DCC: variants seen among roughly 807,000 people sequenced by gnomAD.
DCC encodes netrin receptor DCC.
DCC carries 58 observed loss-of-function variants against 172.5 expected under a neutral mutation model. The ratio of observed to expected loss-of-function variants is 0.34; its 90% confidence interval spans 0.27 to 0.42. The LOEUF is 0.42. Ranked by LOEUF, DCC falls within the 10% of genes least tolerant of loss-of-function variation. The probability of loss-of-function intolerance (pLI) is 1.00; values close to 1 mark genes in which losing one functional copy is unlikely to be tolerated. For synonymous variants in DCC, 709 were observed against 644.5 expected, an observed-to-expected ratio of 1.10 and a Z score of -1.52; for missense variants, 1,740 against 1,791.0, an observed-to-expected ratio of 0.97 and a Z score of 0.51.
chr18:52,400,943 A>G (rs142229771), intron 1 of DCC, among the ~76,000 whole-genome samples: 14,246 of 150,038 alleles, frequency 0.095, 858 homozygotes, highest in Middle Eastern at 0.18. Context: ...AGGCCTGTTG[A>G]GGGGTGGGGG....
chr18:52,552,115 C>G (rs774633967), intron 1 of DCC, among the ~76,000 whole-genome samples: 2 of 151,948 alleles, frequency 1.3e-5, no homozygotes, highest in African/African-American at 4.8e-5. Flanking sequence ...AGAACACATA[C>G]AGATACAGAG....
chr18:52,454,057 C>A (rs2144522629), intron 1 of DCC, among the ~76,000 whole-genome samples: 1 of 152,152 alleles, frequency 6.6e-6, no homozygotes, highest in South Asian at 2.1e-4. Flanking sequence ...ACGTGATATA[C>A]CCATGTAACA....
chr18:52,859,140 A>T (rs912617729), intron 2 of DCC, among the ~76,000 whole-genome samples: 8 of 152,120 alleles, frequency 5.3e-5, no homozygotes, highest in Non-Finnish European at 1.0e-4. Flanking sequence ...CTGCAAAAAA[A>T]AAATTAAAAT....
At chr18:52,556,460 G>A (rs1230127977) in intron 1 of DCC, among the ~76,000 whole-genome samples, 2 of 152,008 alleles carry the variant, frequency 1.3e-5, no homozygotes, top group Admixed American at 1.3e-4. Flanking sequence ...AACAAACTTG[G>A]TAAATAGATG....
intron 1 of DCC, among the ~76,000 whole-genome samples, chr18:52,750,938 T>A (rs764533288): frequency 3.3e-5 from 5 of 152,314 alleles, no homozygotes; most frequent in African/African-American, 4.8e-5. Flanking sequence ...TAGGTGGTAT[T>A]TTTTAAGAAA....
chr18:53,244,591 G>A (rs2056343809), intron 12 of DCC, among the ~76,000 whole-genome samples: 1 of 152,026 alleles, frequency 6.6e-6, no homozygotes, highest in South Asian at 2.1e-4. Context: ...TTGCATTGTT[G>A]GCAGCTGATG....
intron 2 of DCC, among the ~76,000 whole-genome samples, chr18:52,815,613 C>T (rs2038281670): frequency 2.0e-5 from 3 of 152,188 alleles, no homozygotes; most frequent in Non-Finnish European, 1.5e-5. Flanking sequence ...GTTGAAGCCA[C>T]TCAGTTGCTA....
intron 9 of DCC, among the ~76,000 whole-genome samples, chr18:53,185,604 A>G (rs2144498161): frequency 1.3e-5 from 2 of 152,330 alleles, no homozygotes; most frequent in South Asian, 4.1e-4. Flanking sequence ...TCACGAATTC[A>G]TATATGATTA....
At chr18:53,297,030 A>G (rs1242824434) in intron 12 of DCC, among the ~76,000 whole-genome samples, 2 of 152,206 alleles carry the variant, frequency 1.3e-5, no homozygotes, top group Non-Finnish European at 2.9e-5. Context: ...GGAGAGAGTA[A>G]GGCAGAATGT....
At chr18:52,436,521 A>C (rs1185952180) in intron 1 of DCC, among the ~76,000 whole-genome samples, 2 of 152,214 alleles carry the variant, frequency 1.3e-5, no homozygotes, top group Admixed American at 1.3e-4. Context: ...TCTCGGACCT[A>C]CCAACTTACC....
intron 7 of DCC, among the ~76,000 whole-genome samples, chr18:53,126,956 T>G (rs922770689): frequency 6.6e-6 from 1 of 152,106 alleles, no homozygotes; most frequent in African/African-American, 2.4e-5. Context: ...TTATGCAATT[T>G]AAGGACACAA....
chr18:53,072,954 T>C (rs1490708971), intron 7 of DCC, among the ~76,000 whole-genome samples: 4 of 152,174 alleles, frequency 2.6e-5, no homozygotes, highest in Non-Finnish European at 4.4e-5. Context: ...ATGCCATCAA[T>C]TTGATGGGAG....
intron 7 of DCC, among the ~76,000 whole-genome samples, chr18:53,106,091 T>C (rs569086098): frequency 3.3e-5 from 5 of 151,802 alleles, no homozygotes; most frequent in Non-Finnish European, 1.5e-5. Flanking sequence ...CCCCCAGTTA[T>C]CAGTTAGGGG....
rs2046523809 is a variant in DCC at position 53,531,375 on chromosome 18, G to T, written c.*722G>T. ...AACTAGTGGCATTCTGCCAGCAGCA[G>T]TACATTTCTGGAAAGAGGATATAAT... On this transcript the variant is annotated 3_prime_UTR_variant, in exon 29 of 29. Coordinates refer to ENST00000442544, the MANE Select transcript of DCC (RefSeq NM_005215.4). The T allele has an allele frequency of 6.4e-6, 1 of 155,316 alleles. No individual in the cohort carries two copies. Among genetic ancestry groups the T allele is most frequent in the African/African-American group, 2.4e-5 (1 of 41,464 alleles). The allele number at this position is 155,316 out of a possible 1,614,324, so 9.6% of individuals were successfully genotyped here.
chr18:52,819,480 CATG>C (rs1320074397), intron 2 of DCC, among the ~76,000 whole-genome samples: 1 of 152,068 alleles, frequency 6.6e-6, no homozygotes, highest in African/African-American at 2.4e-5. Context: ...ATTTTTATTT[CATG>C]ATGTCTGCAA....
At chr18:53,512,422 A>T (rs1453708799) in intron 27 of DCC, among the ~76,000 whole-genome samples, 1 of 151,782 alleles carries the variant, frequency 6.6e-6, no homozygotes, top group Non-Finnish European at 1.5e-5. Context: ...CTCCAAAAGA[A>T]CGCAGTTCCT....
chr18:52,620,597 T>G (rs548493349), intron 1 of DCC, among the ~76,000 whole-genome samples: 7 of 152,370 alleles, frequency 4.6e-5, no homozygotes, highest in Non-Finnish European at 5.9e-5. Flanking sequence ...GTTTTTACTC[T>G]AAGTTTAATT....
At chr18:52,347,629 G>C (rs1350757508) in intron 1 of DCC, among the ~76,000 whole-genome samples, 1 of 152,066 alleles carries the variant, frequency 6.6e-6, no homozygotes, top group South Asian at 2.1e-4. Flanking sequence ...TAAGACATAG[G>C]GGACTAAGTT....
At chr18:52,365,282 T>C (rs774762263) in intron 1 of DCC, among the ~76,000 whole-genome samples, 1 of 152,196 alleles carries the variant, frequency 6.6e-6, no homozygotes, top group South Asian at 2.1e-4. Context: ...GTTATTGTAT[T>C]TCATTAACTA....
Sources: gnomAD v4.1 joint callset for allele counts (sites outside exome capture counted in the v4.1 genomes callset) on GRCh38, gnomAD v4.1.1 for gene constraint, MANE v1.5 for transcripts, NCBI Gene and HGNC (gene_info 2026-07-23, HGNC 2026-07-21) for gene names.